The following NTN1 variants were observed in gnomAD, a reference collection of about 807,000 sequenced individuals.
NTN1 encodes the protein netrin 1.
NTN1 carries 11 observed loss-of-function variants against 54.2 expected under a neutral mutation model. That is an observed-to-expected ratio of 0.20 (90% CI 0.13 to 0.34). NTN1 has a LOEUF of 0.34. Among genes scored for constraint, NTN1 ranks in the 10% least tolerant of loss-of-function variants. The pLI is 1.00. For synonymous variants in NTN1, 371 were observed against 382.0 expected, an observed-to-expected ratio of 0.97 and a Z score of 0.33; for missense variants, 740 against 893.1, an observed-to-expected ratio of 0.83 and a Z score of 2.18.
intron 5 of NTN1, among the ~76,000 whole-genome samples, chr17:9,190,590 G>A (rs1904424826): frequency 6.6e-6 from 1 of 152,182 alleles, no homozygotes; most frequent in South Asian, 2.1e-4. Flanking sequence ...AGTGGCTCAC[G>A]CCTATAATCC....
At position 9,243,674 on chromosome 17, in the gene NTN1, TCCCTCCTCCCAAATGCACTTC is replaced by T. The variant is rs562598972; in HGVS notation, c.*3717_*3737del. ...CCTGTCATTGGACGTTTCTTCCCAT[TCCCTCCTCCCAAATGCACTTC>T]CCCTCCTCCCTCTGCCCCCTCCTGT... On this transcript the variant is annotated 3_prime_UTR_variant, in exon 7 of 7. Transcript: ENST00000173229. 1.1e-4 allele frequency: 16 copies of T among 152,208 alleles called. No homozygotes were observed. Among genetic ancestry groups the T allele is most frequent in the South Asian group, 2.1e-4 (1 of 4,804 alleles). 9.4% of individuals were successfully genotyped at this position (152,208 alleles called of 1,614,324 possible). A position where few individuals can be genotyped will look rare whatever the true frequency, so the allele number is the denominator to read the frequency against.
chr17:9,052,122 G>A lies in NTN1; in HGVS notation c.1018+28731G>A, dbSNP rs567988871. Among the ~76,000 whole-genome samples, 8 of 152,158 alleles carry A rather than the reference G, an allele frequency of 5.3e-5. No homozygotes were observed. The East Asian group carries it at 5.8e-4, about 11-fold the overall frequency. ...CAAGTTGCTGGGATTACAGGCACGC[G>A]CCACCATGCCTGGCTAATTTTGTAT... is the stretch of plus-strand genomic sequence containing the variant. On this transcript the variant is annotated intron_variant, in intron 2 of 6. Coordinates refer to ENST00000173229, the MANE Select transcript of NTN1 (RefSeq NM_004822.3).
the NTN1 span, among the ~76,000 whole-genome samples, chr17:9,010,873 C>G: frequency 6.6e-6 from 1 of 152,052 alleles, no homozygotes; most frequent in Non-Finnish European, 1.5e-5. Context: ...TTATTGTGCA[C>G]TTTATTTCTA....
chr17:9,039,864 A>G (rs1285652409), intron 2 of NTN1, among the ~76,000 whole-genome samples: 2 of 152,148 alleles, frequency 1.3e-5, no homozygotes, highest in African/African-American at 2.4e-5. Flanking sequence ...TTGTATTGCT[A>G]TACCACAATT....
chr17:9,227,657 T>TCAAACACCATCACAC (rs137860749), intron 6 of NTN1, among the ~76,000 whole-genome samples: 2 of 147,492 alleles, frequency 1.4e-5, no homozygotes, highest in African/African-American at 5.0e-5. Flanking sequence ...CACCATCACA[T>TCAAACACCATCACAC]ACCACACACA....
chr17:9,137,255 A>T (rs2092283987), intron 2 of NTN1, among the ~76,000 whole-genome samples: 1 of 152,068 alleles, frequency 6.6e-6, no homozygotes, highest in Non-Finnish European at 1.5e-5. Context: ...ACTCCCGGGG[A>T]CTAGCGACCA....
chr17:9,123,763 A>G (rs1567716047), intron 2 of NTN1, among the ~76,000 whole-genome samples: 1 of 151,796 alleles, frequency 6.6e-6, no homozygotes, highest in Non-Finnish European at 1.5e-5. Context: ...CTCATTGTGG[A>G]CTTTCTGTTT....
chr17:9,080,328 T>C (rs992674644), intron 2 of NTN1, among the ~76,000 whole-genome samples: 1 of 152,210 alleles, frequency 6.6e-6, no homozygotes, highest in Non-Finnish European at 1.5e-5. Context: ...CTGGTCCTCC[T>C]TGCTGCCTTC....
rs143129201 is a variant in NTN1, at chr17:9,164,167, G to A, written c.1207+1166G>A. Among the ~76,000 whole-genome samples, 625 of 152,354 alleles carry A rather than the reference G, an allele frequency of 4.1e-3. 6 individuals are homozygous for A. The highest frequency in any genetic ancestry group is 0.014 in the African/African-American group (592 of 41,572). On this transcript the variant is annotated intron_variant, in intron 3 of 6. Transcript: ENST00000173229. Reference sequence around the variant, plus strand: ...GGGCCCAGTGCAAAATGAAAATAGGGGGCTTCCAGCACTTTGGGAGGCCAA... The same window carrying A: ...GGGCCCAGTGCAAAATGAAAATAGGAGGCTTCCAGCACTTTGGGAGGCCAA...
At chr17:9,236,749 T>C (rs1906005897) in intron 6 of NTN1, among the ~76,000 whole-genome samples, 1 of 152,192 alleles carries the variant, frequency 6.6e-6, no homozygotes, top group South Asian at 2.1e-4. Context: ...GGAAGGTACC[T>C]TTCAGGGCTT....
At chr17:9,213,469 G>C (rs1007020067) in intron 5 of NTN1, among the ~76,000 whole-genome samples, 2 of 152,240 alleles carry the variant, frequency 1.3e-5, no homozygotes, top group Non-Finnish European at 2.9e-5. Context: ...GTATGTCCTG[G>C]CAGGGTGGAT....
intron 2 of NTN1, among the ~76,000 whole-genome samples, chr17:9,104,664 C>T (rs923173927): frequency 2.0e-5 from 3 of 152,236 alleles, no homozygotes; most frequent in African/African-American, 7.2e-5. Flanking sequence ...GGCATGAAGC[C>T]GCTCTCTCTT....
chr17:9,167,053 G>T (rs1379773080), intron 3 of NTN1, among the ~76,000 whole-genome samples: 1 of 152,328 alleles, frequency 6.6e-6, no homozygotes, highest in African/African-American at 2.4e-5. Context: ...AGCTGGCAGG[G>T]TTGGTGCGTA....
Position 9,239,733 on chromosome 17 carries a change from G to A in NTN1, c.1580G>A (p.Arg527His), listed in dbSNP as rs756488485. ...IISVYKQGTS[R>H]IRRGDQSLWI... ...TCCGTGTATAAGCAGGGCACGAGCCGCATCCGCCGCGGTGACCAGAGCCTG... is the reference window on the plus strand; with the variant it reads ...TCCGTGTATAAGCAGGGCACGAGCCACATCCGCCGCGGTGACCAGAGCCTG... Residue 527 changes from arginine (R) to histidine (H), a missense_variant, in exon 7 of 7, where the codon CGC (arginine) becomes CAC (histidine). Physicochemically the swap from Arg to His is conservative, Grantham distance 29 (BLOSUM62 0). Coordinates refer to ENST00000173229, the MANE Select transcript of NTN1 (RefSeq NM_004822.3). The surrounding 1 kb of genome is among the most constrained non-coding windows in gnomAD (Gnocchi z 5.2). 5.9e-5 allele frequency: 95 copies of A among 1,613,544 alleles called. No individual in the cohort carries two copies. Among genetic ancestry groups the A allele is most frequent in the Non-Finnish European group, 7.8e-5 (92 of 1,180,010 alleles).
chr17:9,150,570 C>T (rs2092324503), intron 2 of NTN1, among the ~76,000 whole-genome samples: 1 of 152,180 alleles, frequency 6.6e-6, no homozygotes, highest in Non-Finnish European at 1.5e-5. Context: ...GATGACTGCT[C>T]AGGGCTTACC....
intron 2 of NTN1, among the ~76,000 whole-genome samples, chr17:9,108,296 TATC>T (rs2092175133): frequency 6.6e-6 from 1 of 152,126 alleles, no homozygotes; most frequent in Non-Finnish European, 1.5e-5. Flanking sequence ...GTGGGGATGT[TATC>T]ATGCAGCCAG....
At chr17:9,163,337 T>C (rs1455633066) in intron 3 of NTN1, among the ~76,000 whole-genome samples, 2 of 152,078 alleles carry the variant, frequency 1.3e-5, no homozygotes, top group Non-Finnish European at 2.9e-5. Context: ...GGGCTTCTCC[T>C]CTGCACAGGT....
intron 2 of NTN1, among the ~76,000 whole-genome samples, chr17:9,048,305 G>A (rs1374499940): frequency 1.7e-5 from 2 of 119,190 alleles, no homozygotes; most frequent in Admixed American, 2.0e-4. Flanking sequence ...GTAATATTTT[G>A]AAAGGAATCT....
intron 6 of NTN1, among the ~76,000 whole-genome samples, chr17:9,235,745 T>G (rs926325325): frequency 4.8e-4 from 15 of 31,212 alleles, no homozygotes; most frequent in Admixed American, 9.3e-4. Flanking sequence ...CTTCTTTTTT[T>G]TTTTCTTTTT....
Sources: gnomAD v4.1 joint callset for allele counts (sites outside exome capture counted in the v4.1 genomes callset) on GRCh38, gnomAD v4.1.1 for gene constraint, Gnocchi (gnomAD v3.1) non-coding constraint, MANE v1.5 for transcripts, NCBI Gene and HGNC (gene_info 2026-07-23, HGNC 2026-07-21) for gene names.